Variants in NRXN1 observed in about 807,000 individuals in gnomAD.
The protein encoded by NRXN1 is neurexin 1, also known as neurexin-1.
A neutral mutation model predicts 150.9 loss-of-function variants in NRXN1; 39 were observed. The ratio of observed to expected loss-of-function variants is 0.26; its 90% CI spans 0.20 to 0.34. The LOEUF (loss-of-function observed/expected upper bound fraction) is 0.34. Ranked by LOEUF, NRXN1 falls within the 10% of genes least tolerant of loss-of-function variation. The probability of loss-of-function intolerance (pLI) is 1.00; values close to 1 mark genes in which losing one functional copy is unlikely to be tolerated. For missense variants in NRXN1, 1,815 were observed against 1,949.9 expected (o/e 0.93, Z 1.30); for synonymous variants, 924 against 757.0 (o/e 1.22, Z -3.62).
At chr2:50,712,878 G>A (rs887389726) in intron 5 of NRXN1, among the ~76,000 whole-genome samples, 2 of 152,152 alleles carry the variant, frequency 1.3e-5, no homozygotes, top group African/African-American at 2.4e-5. Context: ...TGGGAAAGGT[G>A]TGTAATTGCA....
intron 5 of NRXN1, among the ~76,000 whole-genome samples, chr2:50,853,098 T>C (rs1230142167): frequency 6.6e-6 from 1 of 152,184 alleles, no homozygotes; most frequent in East Asian, 1.9e-4. Flanking sequence ...GTGACACATG[T>C]AAGAGGAGCA....
At chr2:50,308,716 TC>T (rs1370245819) in intron 17 of NRXN1, among the ~76,000 whole-genome samples, 1 of 152,140 alleles carries the variant, frequency 6.6e-6, no homozygotes, top group African/African-American at 2.4e-5. Context: ...TCTTTCTGCG[TC>T]CGGCTTATTT....
intron 5 of NRXN1, among the ~76,000 whole-genome samples, chr2:50,784,299 T>C (rs148084324): frequency 7.2e-5 from 11 of 152,218 alleles, no homozygotes; most frequent in African/African-American, 1.9e-4. Context: ...GCTTTTACTA[T>C]GCCATCCTGA....
intron 8 of NRXN1, among the ~76,000 whole-genome samples, chr2:50,572,948 G>C: frequency 6.6e-6 from 1 of 152,028 alleles, no homozygotes; most frequent in Non-Finnish European, 1.5e-5. Context: ...GTTCAGTCAG[G>C]ATAACAACTG....
intron 5 of NRXN1, among the ~76,000 whole-genome samples, chr2:50,672,539 C>G (rs1383631172): frequency 6.6e-6 from 1 of 151,886 alleles, no homozygotes; most frequent in Non-Finnish European, 1.5e-5. Context: ...CTTAGAACAA[C>G]AAGGCTGGAA....
chr2:50,035,599 T>A (rs1405992525), intron 21 of NRXN1, among the ~76,000 whole-genome samples: 2 of 152,086 alleles, frequency 1.3e-5, no homozygotes, highest in African/African-American at 4.8e-5. Context: ...ATGATTTGAA[T>A]AAGAAAGCTT....
chr2:50,465,214 A>C (rs1325625035), intron 17 of NRXN1, among the ~76,000 whole-genome samples: 2 of 151,886 alleles, frequency 1.3e-5, no homozygotes, highest in African/African-American at 4.8e-5. Context: ...AGTAATTAAA[A>C]AATAACAATA....
intron 18 of NRXN1, among the ~76,000 whole-genome samples, chr2:50,111,001 T>G (rs1450602971): frequency 6.6e-6 from 1 of 152,338 alleles, no homozygotes; most frequent in African/African-American, 2.4e-5. Context: ...ATTTTCATCT[T>G]TTTTATTTGA....
Position 50,538,631 on chromosome 2 carries a change from T to G in NRXN1, c.1765A>C (p.Ile589Leu), listed in dbSNP as rs1198920494. The change falls in exon 10 of 23, where the codon ATT becomes CTT. Residue 589 changes from isoleucine (I) to leucine (L), a missense_variant. Coordinates refer to ENST00000401669, the MANE Select transcript of NRXN1 (RefSeq NM_001330078.2). ...DFQRDGRSGTISVNTLRTPYT... is the reference protein window; with the variant it reads ...DFQRDGRSGTLSVNTLRTPYT... Reference sequence around the variant, plus strand: ...GGAGTACGCAACGTGTTGACAGAAATGGTACCTATTTCAAAGAGAGGAGAA... The same window carrying G: ...GGAGTACGCAACGTGTTGACAGAAAGGGTACCTATTTCAAAGAGAGGAGAA... The G allele has an allele frequency of 6.7e-7, 1 of 1,483,102 alleles. No homozygotes were observed. The highest frequency in any genetic ancestry group is 9.0e-7 in the Non-Finnish European group (1 of 1,114,436). 91.9% of individuals were successfully genotyped at this position (1,483,102 alleles called of 1,614,324 possible).
At chr2:50,411,174 G>C (rs972085399) in intron 17 of NRXN1, among the ~76,000 whole-genome samples, 1 of 152,032 alleles carries the variant, frequency 6.6e-6, no homozygotes, top group South Asian at 2.1e-4. Flanking sequence ...TTGCAGGCGC[G>C]CGCCTCCACG....
chr2:50,704,424 T>C (rs1306325207), intron 5 of NRXN1, among the ~76,000 whole-genome samples: 2 of 151,934 alleles, frequency 1.3e-5, no homozygotes, highest in Non-Finnish European at 2.9e-5. Context: ...ATGGAACAGA[T>C]TACTATTTCA....
intron 2 of NRXN1, among the ~76,000 whole-genome samples, chr2:51,000,576 T>A (rs2105082168): frequency 6.6e-6 from 1 of 152,100 alleles, no homozygotes; most frequent in East Asian, 1.9e-4. Flanking sequence ...TGAAACAATT[T>A]TTGGAAAGAG....
At chr2:50,880,965 C>A (rs140469029) in intron 5 of NRXN1, among the ~76,000 whole-genome samples, 45 of 151,990 alleles carry the variant, frequency 3.0e-4, no homozygotes, top group African/African-American at 1.1e-3. Context: ...GGTGTCTCAA[C>A]GGTGTCAGGA....
At chr2:50,603,815 C>T (rs1209113788) in intron 8 of NRXN1, among the ~76,000 whole-genome samples, 1 of 152,100 alleles carries the variant, frequency 6.6e-6, no homozygotes, top group African/African-American at 2.4e-5. Context: ...AAATGCATTG[C>T]GTTGCACTCC....
intron 2 of NRXN1, among the ~76,000 whole-genome samples, chr2:50,990,556 G>A (rs1457652275): frequency 1.3e-5 from 2 of 151,970 alleles, no homozygotes; most frequent in African/African-American, 2.4e-5. Flanking sequence ...AGTACAGAGG[G>A]GAACCTTAGT....
At chr2:50,185,079 T>A (rs941871609) in intron 18 of NRXN1, among the ~76,000 whole-genome samples, 4 of 152,152 alleles carry the variant, frequency 2.6e-5, no homozygotes, top group Non-Finnish European at 5.9e-5. Context: ...TCAAGTCAAG[T>A]CAAAGCCTGT....
At chr2:50,632,839 G>C (rs1286188931) in intron 5 of NRXN1, 1 of 152,002 alleles carries the variant, frequency 6.6e-6, no homozygotes, top group Non-Finnish European at 1.5e-5. Context: ...GAATCAGAGA[G>C]CTCTGATCAG....
intron 5 of NRXN1, among the ~76,000 whole-genome samples, chr2:50,710,870 A>T (rs1695051048): frequency 6.6e-6 from 1 of 152,208 alleles, no homozygotes; most frequent in African/African-American, 2.4e-5. Context: ...AATTCAACAC[A>T]TCTTTAGACC....
intron 5 of NRXN1, among the ~76,000 whole-genome samples, chr2:50,751,360 A>G (rs1181189918): frequency 6.6e-6 from 1 of 152,054 alleles, no homozygotes; most frequent in Non-Finnish European, 1.5e-5. Context: ...TGTATTAAAC[A>G]GAAAAATAAT....
Sources: allele counts gnomAD v4.1 joint callset (sites outside exome capture counted in the v4.1 genomes callset), GRCh38; gene constraint gnomAD v4.1.1; transcripts MANE v1.5; gene names NCBI Gene and HGNC (gene_info 2026-07-23, HGNC 2026-07-21).